The following CHRM3 variants were observed in gnomAD, a reference collection of about 807,000 sequenced individuals.
CHRM3 encodes the protein muscarinic acetylcholine receptor M3.
Under a neutral mutation model 41.8 loss-of-function variants are expected in CHRM3, and 11 were observed. The ratio of observed to expected loss-of-function variants is 0.26; its 90% CI spans 0.17 to 0.44. CHRM3 has a LOEUF of 0.44. Ranked by LOEUF, CHRM3 falls within the 20% of genes least tolerant of loss-of-function variation. The pLI, the probability that CHRM3 is intolerant of heterozygous loss-of-function variation, is 1.00. For synonymous variants in CHRM3, 297 were observed against 301.4 expected (o/e 0.99, Z 0.15); for missense variants, 571 against 745.4 (o/e 0.77, Z 2.72).
intron 5 of CHRM3, among the ~76,000 whole-genome samples, chr1:239,717,863 A>G (rs1211098215): frequency 6.6e-6 from 1 of 152,052 alleles, no homozygotes; most frequent in East Asian, 1.9e-4. Flanking sequence ...TGACTCCAGC[A>G]GTTTATCAAG....
intron 6 of CHRM3, among the ~76,000 whole-genome samples, chr1:239,890,501 T>G (rs1195234819): frequency 1.3e-5 from 2 of 152,110 alleles, no homozygotes; most frequent in Admixed American, 1.3e-4. Flanking sequence ...ACATACAATA[T>G]TGAGAATAAT....
chr1:239,809,460 A>G (rs1670940148), intron 5 of CHRM3, among the ~76,000 whole-genome samples: 1 of 151,862 alleles, frequency 6.6e-6, no homozygotes, highest in South Asian at 2.1e-4. Flanking sequence ...CTTCCTAGGA[A>G]TGAGTCCGAG....
intron 1 of CHRM3, among the ~76,000 whole-genome samples, chr1:239,492,163 C>G (rs1345182601): frequency 6.6e-6 from 1 of 152,170 alleles, no homozygotes; most frequent in African/African-American, 2.4e-5. Context: ...GTATATGTTT[C>G]TAGCCATCCA....
At chr1:239,634,142 A>G (rs1670179846) in intron 4 of CHRM3, among the ~76,000 whole-genome samples, 1 of 152,190 alleles carries the variant, frequency 6.6e-6, no homozygotes. Context: ...AGCTGCCTCG[A>G]TGCTGGTCCT....
chr1:239,798,943 G>C (rs542580020), intron 5 of CHRM3, among the ~76,000 whole-genome samples: 105 of 152,282 alleles, frequency 6.9e-4, no homozygotes, highest in African/African-American at 2.2e-3. Flanking sequence ...GCGAAGCGTT[G>C]TTTGAAGCTG....
intron 4 of CHRM3, among the ~76,000 whole-genome samples, chr1:239,647,456 C>A (rs1458140505): frequency 6.6e-6 from 1 of 151,526 alleles, no homozygotes; most frequent in Admixed American, 6.6e-5. Flanking sequence ...CTCTTTTTTC[C>A]TCTCTCTTCT....
At chr1:239,684,748 G>GAGAAAGAAAGAAAGAA (rs372555411) in intron 5 of CHRM3, among the ~76,000 whole-genome samples, 7 of 107,804 alleles carry the variant, frequency 6.5e-5, no homozygotes, top group South Asian at 3.2e-4. Context: ...GAGAAAGAAA[G>GAGAAAGAAAGAAAGAA]AGAAAGAAAG....
chr1:239,816,587 G>A (rs1208701568), intron 5 of CHRM3, among the ~76,000 whole-genome samples: 1 of 152,082 alleles, frequency 6.6e-6, no homozygotes, highest in East Asian at 1.9e-4. Context: ...GGTCCAGGAA[G>A]TACCAAGCAA....
intron 5 of CHRM3, among the ~76,000 whole-genome samples, chr1:239,686,390 T>C (rs1211555510): frequency 6.6e-6 from 1 of 152,184 alleles, no homozygotes; most frequent in Non-Finnish European, 1.5e-5. Flanking sequence ...GTGCTGCTCA[T>C]CCTGCCTGGA....
intron 3 of CHRM3, among the ~76,000 whole-genome samples, chr1:239,573,814 T>G (rs2148549239): frequency 6.6e-6 from 1 of 152,280 alleles, no homozygotes; most frequent in African/African-American, 2.4e-5. Context: ...TCTTTTAAAT[T>G]TTGCATTCCT....
At chr1:239,765,565 T>G (rs1440385177) in intron 5 of CHRM3, among the ~76,000 whole-genome samples, 1 of 152,216 alleles carries the variant, frequency 6.6e-6, no homozygotes, top group African/African-American at 2.4e-5. Context: ...AATTTCTTGA[T>G]GTTGCTGGTT....
At chr1:239,674,933 T>C (rs747091148) in intron 4 of CHRM3, among the ~76,000 whole-genome samples, 4 of 152,102 alleles carry the variant, frequency 2.6e-5, no homozygotes, top group Non-Finnish European at 2.9e-5. Flanking sequence ...AGGAAATTAT[T>C]ACTCCTCCTC....
intron 5 of CHRM3, among the ~76,000 whole-genome samples, chr1:239,826,404 G>A (rs1322682453): frequency 6.6e-6 from 1 of 152,110 alleles, no homozygotes; most frequent in Non-Finnish European, 1.5e-5. Context: ...TGACTGCAAA[G>A]TGACTACCTA....
At chr1:239,581,816 G>C (rs1022760520) in intron 3 of CHRM3, among the ~76,000 whole-genome samples, 4 of 152,164 alleles carry the variant, frequency 2.6e-5, no homozygotes, top group African/African-American at 9.7e-5. Flanking sequence ...AGCTGCCTGA[G>C]TCTAAAGCCT....
chr1:239,735,355 C>T (rs1303811356), intron 5 of CHRM3, among the ~76,000 whole-genome samples: 1 of 152,128 alleles, frequency 6.6e-6, no homozygotes, highest in Non-Finnish European at 1.5e-5. Context: ...CAGCACTTGC[C>T]TCTGCTACTG....
At chr1:239,498,999 C>T (rs1297685264) in intron 2 of CHRM3, among the ~76,000 whole-genome samples, 2 of 152,028 alleles carry the variant, frequency 1.3e-5, no homozygotes, top group African/African-American at 4.8e-5. Context: ...CAGTCAGGAA[C>T]CTTAATTTTT....
intron 3 of CHRM3, among the ~76,000 whole-genome samples, chr1:239,581,499 G>A (rs1191401546): frequency 6.6e-5 from 10 of 151,998 alleles, no homozygotes; most frequent in Admixed American, 6.6e-4. Flanking sequence ...TACAAAGTTT[G>A]CATTGGAAGA....
chr1:239,490,105 C>A lies in CHRM3; in HGVS notation c.-520-2604C>A, dbSNP rs976048285. Among the ~76,000 whole-genome samples the A allele has an allele frequency of 3.3e-5, 5 of 152,280 alleles. No individual in the cohort carries two copies. The East Asian group carries it at 9.6e-4, about 29-fold the overall frequency. On this transcript the variant is annotated intron_variant, in intron 1 of 6. Coordinates refer to ENST00000676153, the MANE Select transcript of CHRM3 (RefSeq NM_001375978.1). ...TAAGGACATAAACAAATGTTGCATA[C>A]TATTTAGTACGAGTACATAGTAAGT...
At chr1:239,672,871 T>C (rs1674519095) in intron 4 of CHRM3, among the ~76,000 whole-genome samples, 1 of 151,978 alleles carries the variant, frequency 6.6e-6, no homozygotes, top group Admixed American at 6.6e-5. Context: ...TAGTGCAGTT[T>C]CCCCACCTTC....
Sources: gnomAD v4.1 joint callset for allele counts (sites outside exome capture counted in the v4.1 genomes callset) on GRCh38, gnomAD v4.1.1 for gene constraint, MANE v1.5 for transcripts, NCBI Gene and HGNC (gene_info 2026-07-23, HGNC 2026-07-21) for gene names.